The following VPS37A variants were observed in gnomAD, a reference collection of about 807,000 sequenced individuals.
The protein encoded by VPS37A is VPS37A subunit of ESCRT-I, also known as vacuolar protein sorting-associated protein 37A.
VPS37A carries 30 observed loss-of-function variants against 49.8 expected under a neutral mutation model. The observed-to-expected ratio is 0.60, with a 90% CI of 0.45 to 0.82. The LOEUF is 0.82. Ranked by LOEUF, VPS37A falls within the 40% of genes least tolerant of loss-of-function variation. The pLI, the probability that VPS37A is intolerant of heterozygous loss-of-function variation, is 0.00. For synonymous variants in VPS37A, 195 were observed against 160.6 expected, an observed-to-expected ratio of 1.21 and a Z score of -1.62; for missense variants, 593 against 464.4, an observed-to-expected ratio of 1.28 and a Z score of -2.55.
intron 5 of VPS37A, among the ~76,000 whole-genome samples, chr8:17,275,233 C>G (rs138400737): frequency 2.0e-5 from 3 of 152,110 alleles, no homozygotes; most frequent in African/African-American, 7.2e-5. Flanking sequence ...ACTAGTAGAT[C>G]GCCTTTACAA....
intron 1 of VPS37A, among the ~76,000 whole-genome samples, chr8:17,250,348 C>G (rs571944718): frequency 2.0e-5 from 3 of 152,176 alleles, no homozygotes; most frequent in African/African-American, 7.2e-5. Context: ...GTACGACTTA[C>G]ACTTAAAAGA....
intron 9 of VPS37A, among the ~76,000 whole-genome samples, chr8:17,283,287 C>G (rs1815266294): frequency 6.6e-6 from 1 of 152,024 alleles, no homozygotes; most frequent in African/African-American, 2.4e-5. Context: ...TCCCAAGTAG[C>G]CAAGGCTACA....
At chr8:17,271,252 C>G (rs1813957963) in intron 4 of VPS37A, among the ~76,000 whole-genome samples, 1 of 152,176 alleles carries the variant, frequency 6.6e-6, no homozygotes, top group Admixed American at 6.5e-5. Flanking sequence ...CTGTTAGCCT[C>G]TTTTTCATTT....
the VPS37A span, chr8:17,313,441 C>T: frequency 1.5e-6 from 2 of 1,302,634 alleles, no homozygotes; most frequent in East Asian, 2.3e-5. Context: ...AATTAAGGTA[C>T]TCTCTCATTT....
At chr8:17,288,448 C>T (rs1404029774) in intron 11 of VPS37A, among the ~76,000 whole-genome samples, 1 of 152,146 alleles carries the variant, frequency 6.6e-6, no homozygotes, top group Non-Finnish European at 1.5e-5. Context: ...TCAATTCCCA[C>T]TTATGAGTGA....
At chr8:17,259,432 A>G (rs1812777369) in intron 1 of VPS37A, among the ~76,000 whole-genome samples, 1 of 152,134 alleles carries the variant, frequency 6.6e-6, no homozygotes, top group Non-Finnish European at 1.5e-5. Flanking sequence ...GTGGTCAGAA[A>G]ACATACTTGA....
chr8:17,253,893 G>C (rs1417865677), intron 1 of VPS37A, among the ~76,000 whole-genome samples: 1 of 152,150 alleles, frequency 6.6e-6, no homozygotes, highest in East Asian at 1.9e-4. Flanking sequence ...ATAGTATGAA[G>C]GATTTTCCAA....
At chr8:17,298,119 CAG>C (rs1816851097), downstream of VPS37A, 1 of 151,960 alleles carries the variant, frequency 6.6e-6, no homozygotes, top group Non-Finnish European at 1.5e-5. Context: ...TATTAGGCAA[CAG>C]AGTTTCTAAG....
In VPS37A at chr8:17,247,124, C is replaced by G. The variant is rs1811291849; in HGVS notation, c.-121C>G. 1 of 1,370,720 alleles carries G rather than the reference C, an allele frequency of 7.3e-7. No homozygotes were observed. Among genetic ancestry groups the G allele is most frequent in the Admixed American group, 2.1e-5 (1 of 46,898 alleles). The allele number at this position is 1,370,720 out of a possible 1,614,324, so 84.9% of individuals were successfully genotyped here. A position where few individuals can be genotyped will look rare whatever the true frequency, so the allele number is the denominator to read the frequency against. The stretch of plus-strand genomic sequence containing the variant: ...GACAGGCTTAGAGAAGACGCGGTCC[C>G]CAGCGCTTGGGCCACGGACGTCCCA... On this transcript the variant is annotated 5_prime_UTR_variant, in exon 1 of 12. Coordinates refer to ENST00000324849, the MANE Select transcript of VPS37A (RefSeq NM_152415.3).
intron 1 of VPS37A, 37 bp downstream of exon 1, chr8:17,247,406 A>AGAGGG: frequency 1.7e-5 from 1 of 59,018 alleles, no homozygotes; most frequent in Admixed American, 4.1e-4. Flanking sequence ...AGGAAAAAGT[A>AGAGGG]GGGTGGGAGG....
At chr8:17,294,517 C>G (rs889231168) in intron 11 of VPS37A, among the ~76,000 whole-genome samples, 1 of 152,130 alleles carries the variant, frequency 6.6e-6, no homozygotes, top group Non-Finnish European at 1.5e-5. Flanking sequence ...GCAGCTAGCT[C>G]GATGTCTGGC....
downstream of VPS37A, chr8:17,304,243 A>G (rs568151891): frequency 5.6e-6 from 5 of 896,888 alleles, no homozygotes; most frequent in South Asian, 3.3e-5. Flanking sequence ...CAGATATTCA[A>G]GCATCTCCCT....
chr8:17,331,553 T>C, the VPS37A span, among the ~76,000 whole-genome samples: 3 of 152,316 alleles, frequency 2.0e-5, no homozygotes, highest in African/African-American at 4.8e-5. Flanking sequence ...GAGATGTCAC[T>C]TGCAGTCCCC....
Position 17,268,236 on chromosome 8 carries a change from T to C in VPS37A, c.201-22T>C, listed in dbSNP as rs558191961. On this transcript the variant is annotated intron_variant, in intron 2 of 11. Transcript: ENST00000324849. ...CCTTTGTTATCTTTGTTTTTGTTTTTCATCTGTTCTACCTCTACCAGATTG... is the reference window on the plus strand; with the variant it reads ...CCTTTGTTATCTTTGTTTTTGTTTTCCATCTGTTCTACCTCTACCAGATTG... 27 of 1,524,718 alleles carry C rather than the reference T, an allele frequency of 1.8e-5. No homozygotes were observed. In the African/African-American group the frequency reaches 3.2e-4, roughly 18 times the overall value. The allele number at this position is 1,524,718 out of a possible 1,614,324, so 94.4% of individuals were successfully genotyped here. A position where few individuals can be genotyped will look rare whatever the true frequency, so the allele number is the denominator to read the frequency against.
intron 11 of VPS37A, among the ~76,000 whole-genome samples, chr8:17,292,176 G>A (rs1466300754): frequency 6.6e-6 from 1 of 152,156 alleles, no homozygotes; most frequent in African/African-American, 2.4e-5. Context: ...ATATATTTAG[G>A]ATAGTTAGCT....
downstream of VPS37A, chr8:17,302,044 C>G: frequency 6.9e-7 from 1 of 1,446,848 alleles, no homozygotes; most frequent in South Asian, 1.2e-5. Flanking sequence ...GTTCTACTGA[C>G]TAAAAATGTG....
chr8:17,297,005 G>T lies in VPS37A; in HGVS notation c.*2019G>T, dbSNP rs2150443436. 1 of 152,268 alleles carries T rather than the reference G, an allele frequency of 6.6e-6. No homozygotes were observed. Among genetic ancestry groups the T allele is most frequent in the South Asian group, 2.1e-4 (1 of 4,832 alleles). The allele number at this position is 152,268 out of a possible 1,614,324, so 9.4% of individuals were successfully genotyped here. On this transcript the variant is annotated 3_prime_UTR_variant, in exon 12 of 12. Transcript: ENST00000324849. Reference sequence around the variant, plus strand: ...TGCATTTGAATATGCCCGTATGAATGTGGGTTCTGTTTTTGCAACAGAGAT... The same window carrying T: ...TGCATTTGAATATGCCCGTATGAATTTGGGTTCTGTTTTTGCAACAGAGAT...
rs994149373 is a variant in VPS37A at position 17,247,120 on chromosome 8, G to A, written c.-125G>A. The A allele has an allele frequency of 5.4e-6, 7 of 1,300,456 alleles. No homozygotes were observed. The highest frequency in any genetic ancestry group is 4.4e-5 in the Admixed American group (2 of 45,822). The allele number at this position is 1,300,456 out of a possible 1,614,324, so 80.6% of individuals were successfully genotyped here. A position where few individuals can be genotyped will look rare whatever the true frequency, so the allele number is the denominator to read the frequency against. On this transcript the variant is annotated 5_prime_UTR_variant, in exon 1 of 12. Transcript: ENST00000324849. ...GCAGGACAGGCTTAGAGAAGACGCG[G>A]TCCCCAGCGCTTGGGCCACGGACGT...
intron 1 of VPS37A, among the ~76,000 whole-genome samples, chr8:17,265,402 C>T (rs1813352577): frequency 6.6e-6 from 1 of 152,178 alleles, no homozygotes. Flanking sequence ...TCAGGCTTCT[C>T]TACTTAGAAA....
Sources: gnomAD v4.1 joint callset for allele counts (sites outside exome capture counted in the v4.1 genomes callset) on GRCh38, gnomAD v4.1.1 for gene constraint, MANE v1.5 for transcripts, NCBI Gene and HGNC (gene_info 2026-07-23, HGNC 2026-07-21) for gene names.